The following COX7B2 variants were observed in gnomAD, a reference collection of about 807,000 sequenced individuals.
COX7B2 encodes cytochrome c oxidase subunit 7B2, mitochondrial.
For synonymous variants in COX7B2, 37 were observed against 32.1 expected (o/e 1.15, Z -0.51); for missense variants, 109 against 95.9 (o/e 1.14, Z -0.57).
chr4:46,786,134 CTG>C (rs1717743155), intron 2 of COX7B2, among the ~76,000 whole-genome samples: 1 of 151,944 alleles, frequency 6.6e-6, no homozygotes, highest in Admixed American at 6.6e-5. Flanking sequence ...AACAGTAAAA[CTG>C]AAAACTCCTG....
At chr4:46,761,546 G>C (rs1327249773) in intron 2 of COX7B2, among the ~76,000 whole-genome samples, 1 of 152,096 alleles carries the variant, frequency 6.6e-6, no homozygotes, top group East Asian at 1.9e-4. Flanking sequence ...CTTTCTTTCT[G>C]AGGAAGTATA....
intron 1 of COX7B2, among the ~76,000 whole-genome samples, chr4:46,863,613 C>A (rs886764553): frequency 6.6e-6 from 1 of 152,172 alleles, no homozygotes; most frequent in African/African-American, 2.4e-5. Flanking sequence ...ATTCATATCT[C>A]ATATTCAACT....
intron 1 of COX7B2, among the ~76,000 whole-genome samples, chr4:46,883,137 C>T (rs62303663): frequency 0.12 from 18,622 of 152,070 alleles, 1,692 homozygotes; most frequent in East Asian, 0.31. Context: ...TAGGTAAAGC[C>T]GGTAGCAATA....
At chr4:46,905,118 T>C (rs921045838) in intron 1 of COX7B2, among the ~76,000 whole-genome samples, 19 of 151,986 alleles carry the variant, frequency 1.3e-4, no homozygotes, top group Admixed American at 2.6e-4. Context: ...GCAAAGTACA[T>C]AGGACTGTAT....
chr4:46,887,274 A>T (rs1401008152), intron 1 of COX7B2, among the ~76,000 whole-genome samples: 1 of 152,232 alleles, frequency 6.6e-6, no homozygotes, highest in African/African-American at 2.4e-5. Context: ...TAAGAAGCAG[A>T]ACTTTATTTT....
chr4:46,734,985 C>T lies in COX7B2; in HGVS notation c.208G>A (p.Val70Ile). Residue 70 changes from valine (V) to isoleucine (I), a missense_variant, in exon 3 of 3, where the codon GTT (valine) becomes ATT (isoleucine). By Grantham distance (29) the Val-to-Ile change is conservative. Transcript: ENST00000355591. ...QIGIEWNLSP[V>I]GRVTPKEWKH... ...CACTCTTTTGGGGTAACTCTGCCAACAGGGGATAGGTTCCATTCTATTCCA... is the reference window on the plus strand; with the variant it reads ...CACTCTTTTGGGGTAACTCTGCCAATAGGGGATAGGTTCCATTCTATTCCA... The T allele has an allele frequency of 6.2e-7, 1 of 1,613,992 alleles. No individual in the cohort carries two copies. Among genetic ancestry groups the T allele is most frequent in the Non-Finnish European group, 8.5e-7 (1 of 1,179,962 alleles).
chr4:46,844,429 A>C (rs1296406476), intron 2 of COX7B2, among the ~76,000 whole-genome samples: 2 of 151,952 alleles, frequency 1.3e-5, no homozygotes, highest in Non-Finnish European at 2.9e-5. Flanking sequence ...CCCGGCAAAA[A>C]AGGCCCATCA....
At chr4:46,829,957 C>T (rs958607181) in intron 2 of COX7B2, among the ~76,000 whole-genome samples, 8 of 151,910 alleles carry the variant, frequency 5.3e-5, no homozygotes, top group Admixed American at 1.3e-4. Flanking sequence ...AATAATTAAA[C>T]GGAGAAATTG....
At chr4:46,767,880 T>A (rs993806219) in intron 2 of COX7B2, among the ~76,000 whole-genome samples, 1 of 152,254 alleles carries the variant, frequency 6.6e-6, no homozygotes, top group Non-Finnish European at 1.5e-5. Context: ...GATAGTTCCC[T>A]TGACCCTTGA....
At chr4:46,891,502 A>G (rs188860209) in intron 1 of COX7B2, among the ~76,000 whole-genome samples, 15 of 152,314 alleles carry the variant, frequency 9.8e-5, no homozygotes, top group Non-Finnish European at 1.8e-4. Context: ...CCAAAAGTCA[A>G]CTGAAAAAAC....
intron 2 of COX7B2, among the ~76,000 whole-genome samples, chr4:46,833,807 AAAG>A (rs1398735824): frequency 7.2e-5 from 11 of 152,316 alleles, no homozygotes; most frequent in East Asian, 1.9e-4. Flanking sequence ...AAGGCAAAAA[AAAG>A]AAGTGTGCAA....
intron 2 of COX7B2, among the ~76,000 whole-genome samples, chr4:46,822,389 A>C (rs377628023): frequency 6.6e-6 from 1 of 152,062 alleles, no homozygotes; most frequent in South Asian, 2.1e-4. Context: ...ATAAAAAAAA[A>C]AATAATATAG....
intron 1 of COX7B2, among the ~76,000 whole-genome samples, chr4:46,850,659 C>A (rs951310753): frequency 2.0e-5 from 3 of 152,068 alleles, no homozygotes; most frequent in Non-Finnish European, 2.9e-5. Flanking sequence ...ATATAAATTA[C>A]TAACACTGTA....
At position 46,850,744 on chromosome 4, in the gene COX7B2, G is replaced by A. The variant is rs76170718; in HGVS notation, c.-104-5730C>T. 9.9e-5 allele frequency among the ~76,000 whole-genome samples: 15 copies of A among 152,072 alleles called. No homozygotes were observed. In the East Asian group the frequency reaches 2.5e-3, roughly 26 times the overall value. On this transcript the variant is annotated intron_variant, in intron 1 of 2. Transcript: ENST00000355591. ...TATTCTTCACTACTGTACATAGGTC[G>A]AACATATTGCCTGCCAATACTATGC...
intron 1 of COX7B2, among the ~76,000 whole-genome samples, chr4:46,898,503 A>C (rs1719903396): frequency 6.6e-6 from 1 of 152,032 alleles, no homozygotes; most frequent in Non-Finnish European, 1.5e-5. Flanking sequence ...CCGCAACCTC[A>C]TTCTCTTGGG....
At chr4:46,749,479 G>T (rs1432920692) in intron 2 of COX7B2, among the ~76,000 whole-genome samples, 3 of 151,936 alleles carry the variant, frequency 2.0e-5, no homozygotes, top group Admixed American at 1.3e-4. Flanking sequence ...CATCCACAAT[G>T]AAAACTCTTT....
At chr4:46,855,304 A>G (rs1368021014) in intron 1 of COX7B2, among the ~76,000 whole-genome samples, 3 of 152,118 alleles carry the variant, frequency 2.0e-5, no homozygotes, top group Non-Finnish European at 4.4e-5. Context: ...AGAAATTAAC[A>G]AAATATTATT....
intron 2 of COX7B2, among the ~76,000 whole-genome samples, chr4:46,812,926 A>G (rs1385961457): frequency 6.6e-6 from 1 of 152,040 alleles, no homozygotes; most frequent in Admixed American, 6.6e-5. Context: ...CTGCTGCCTC[A>G]CCTATTGCAC....
intron 2 of COX7B2, among the ~76,000 whole-genome samples, chr4:46,806,309 A>G (rs1458670509): frequency 6.6e-6 from 1 of 152,042 alleles, no homozygotes; most frequent in East Asian, 1.9e-4. Flanking sequence ...AGAAAAAACA[A>G]TACTAATGAC....
Sources: allele counts gnomAD v4.1 joint callset (sites outside exome capture counted in the v4.1 genomes callset), GRCh38; gene constraint gnomAD v4.1.1; transcripts MANE v1.5; gene names NCBI Gene and HGNC (gene_info 2026-07-23, HGNC 2026-07-21).